Variants in PACRG observed in about 807,000 individuals in gnomAD.
PACRG encodes the protein parkin coregulated gene protein.
Under a neutral mutation model 29.7 loss-of-function variants are expected in PACRG, and 29 were observed. The ratio of observed to expected loss-of-function variants is 0.98; its 90% CI spans 0.73 to 1.33. The LOEUF is 1.33. PACRG is among the 40% of genes most tolerant of loss of function. The pLI is 0.00. For missense variants in PACRG, 279 were observed against 316.2 expected, an observed-to-expected ratio of 0.88 and a Z score of 0.89; for synonymous variants, 116 against 118.7, an observed-to-expected ratio of 0.98 and a Z score of 0.15.
intron 2 of PACRG, among the ~76,000 whole-genome samples, chr6:162,975,823 T>G (rs1358984022): frequency 6.6e-6 from 1 of 151,764 alleles, no homozygotes; most frequent in African/African-American, 2.4e-5. Flanking sequence ...CCTTCCTTCC[T>G]CCCTTCCTCC....
intron 2 of PACRG, among the ~76,000 whole-genome samples, chr6:162,970,316 G>A (rs954458934): frequency 6.6e-6 from 1 of 152,130 alleles, no homozygotes; most frequent in African/African-American, 2.4e-5. Flanking sequence ...ACAGTCTGAG[G>A]AGGGTGTCTG....
chr6:163,312,512 C>T (rs773830065), intron 4 of PACRG, among the ~76,000 whole-genome samples: 2 of 143,348 alleles, frequency 1.4e-5, no homozygotes, highest in Admixed American at 7.2e-5. Flanking sequence ...GGAAGGCTCC[C>T]CACAAGCGGA....
chr6:163,119,450 C>T (rs1281839162), intron 4 of PACRG, among the ~76,000 whole-genome samples: 1 of 152,190 alleles, frequency 6.6e-6, no homozygotes, highest in Non-Finnish European at 1.5e-5. Context: ...GCACGATGAT[C>T]AAGTGATTGG....
At chr6:162,742,713 A>G (rs1562551368) in intron 1 of PACRG, among the ~76,000 whole-genome samples, 1 of 151,974 alleles carries the variant, frequency 6.6e-6, no homozygotes, top group Admixed American at 6.6e-5. Context: ...TATATATGCT[A>G]CACTTTCTTT....
chr6:162,895,402 C>T (rs1306684127), intron 2 of PACRG, among the ~76,000 whole-genome samples: 2 of 152,098 alleles, frequency 1.3e-5, no homozygotes, highest in African/African-American at 4.8e-5. Context: ...TCACCCAAAG[C>T]TCATGGCCTT....
chr6:163,093,574 G>A (rs550917688), intron 4 of PACRG, among the ~76,000 whole-genome samples: 24 of 152,272 alleles, frequency 1.6e-4, no homozygotes, highest in African/African-American at 5.1e-4. Flanking sequence ...TATGGGCTCC[G>A]CCAGCAGATT....
At chr6:163,067,478 A>T (rs960951485) in intron 3 of PACRG, among the ~76,000 whole-genome samples, 1 of 152,246 alleles carries the variant, frequency 6.6e-6, no homozygotes, top group Non-Finnish European at 1.5e-5. Flanking sequence ...TTTAGGCCTT[A>T]AATGTAACCA....
chr6:162,965,353 T>C (rs1254386770), intron 2 of PACRG, among the ~76,000 whole-genome samples: 2 of 152,194 alleles, frequency 1.3e-5, no homozygotes, highest in Non-Finnish European at 2.9e-5. Context: ...GTAAACTAGA[T>C]ATTTATAAGC....
intron 2 of PACRG, among the ~76,000 whole-genome samples, chr6:162,918,086 C>A (rs1411454733): frequency 6.6e-6 from 1 of 152,084 alleles, no homozygotes; most frequent in Non-Finnish European, 1.5e-5. Flanking sequence ...TAGACCACTG[C>A]AGTGTTCAAG....
intron 2 of PACRG, among the ~76,000 whole-genome samples, chr6:163,025,835 A>C (rs950692876): frequency 6.6e-6 from 1 of 152,240 alleles, no homozygotes. Context: ...ACAGAGGTGC[A>C]CAAGTTAAGA....
At chr6:162,800,595 G>A (rs1381818461) in intron 1 of PACRG, among the ~76,000 whole-genome samples, 1 of 152,156 alleles carries the variant, frequency 6.6e-6, no homozygotes, top group East Asian at 1.9e-4. Flanking sequence ...ATGAAATGGA[G>A]ATAGATGTTA....
intron 4 of PACRG, among the ~76,000 whole-genome samples, chr6:163,188,586 C>T (rs1334778918): frequency 1.3e-5 from 2 of 152,176 alleles, no homozygotes; most frequent in Admixed American, 6.5e-5. Context: ...GTGAGAAGGT[C>T]GTCTCCAGCC....
At chr6:163,298,601 G>A (rs1784870655) in intron 4 of PACRG, among the ~76,000 whole-genome samples, 1 of 152,210 alleles carries the variant, frequency 6.6e-6, no homozygotes, top group Admixed American at 6.5e-5. Context: ...GATGTTGATT[G>A]CATCACTCAC....
intron 4 of PACRG, among the ~76,000 whole-genome samples, chr6:163,279,900 A>C (rs540901150): frequency 1.3e-5 from 2 of 152,314 alleles, no homozygotes; most frequent in East Asian, 3.9e-4. Context: ...CCTGGGAAGA[A>C]TTATCTTCCC....
Position 163,297,406 on chromosome 6 carries a change from C to T in PACRG, c.614-17421C>T, listed in dbSNP as rs554672430. Among the ~76,000 whole-genome samples, 5 of 152,306 alleles carry T rather than the reference C, an allele frequency of 3.3e-5. No individual in the cohort carries two copies. The South Asian group carries it at 1.0e-3, about 32-fold the overall frequency. On this transcript the variant is annotated intron_variant, in intron 4 of 4. Coordinates refer to ENST00000366888, the MANE Select transcript of PACRG (RefSeq NM_001080379.2). Reference sequence around the variant, plus strand: ...GATAAATAGCAGACTTCAGTTTCCACTGCTACTGGTCTTTTAACCTTCAAT... The same window carrying T: ...GATAAATAGCAGACTTCAGTTTCCATTGCTACTGGTCTTTTAACCTTCAAT...
chr6:162,913,224 C>G (rs2128081072), intron 2 of PACRG, among the ~76,000 whole-genome samples: 1 of 152,296 alleles, frequency 6.6e-6, no homozygotes, highest in South Asian at 2.1e-4. Flanking sequence ...GCACGATAAT[C>G]AACATCCCAT....
chr6:162,961,389 C>A (rs1460600114), intron 2 of PACRG, among the ~76,000 whole-genome samples: 1 of 152,160 alleles, frequency 6.6e-6, no homozygotes, highest in Admixed American at 6.6e-5. Flanking sequence ...TGAAGTTGAC[C>A]TTGTTATTAA....
chr6:163,250,414 T>A (rs570137683), intron 4 of PACRG, among the ~76,000 whole-genome samples: 13 of 152,230 alleles, frequency 8.5e-5, no homozygotes, highest in Non-Finnish European at 1.8e-4. Context: ...TCCTCCACAC[T>A]GCTTCTGCAG....
chr6:163,253,479 ATGTC>A (rs1782989307), intron 4 of PACRG, among the ~76,000 whole-genome samples: 1 of 152,152 alleles, frequency 6.6e-6, no homozygotes, highest in South Asian at 2.1e-4. Context: ...ACATGTCTAA[ATGTC>A]TGTCTATCTA....
Sources: gnomAD v4.1 joint callset for allele counts (sites outside exome capture counted in the v4.1 genomes callset) on GRCh38, gnomAD v4.1.1 for gene constraint, MANE v1.5 for transcripts, NCBI Gene and HGNC (gene_info 2026-07-23, HGNC 2026-07-21) for gene names.